ASCC2: variants seen among roughly 807,000 people sequenced by gnomAD.
ASCC2 encodes the protein activating signal cointegrator 1 complex subunit 2, also known as ASC-1 complex subunit P100.
ASCC2 carries 42 observed loss-of-function variants against 93.5 expected under a neutral mutation model. The ratio of observed to expected loss-of-function variants is 0.45; its 90% confidence interval spans 0.35 to 0.58. ASCC2 has a LOEUF of 0.58. Ranked by LOEUF, ASCC2 falls within the 20% of genes least tolerant of loss-of-function variation. The pLI is 0.00. For missense variants in ASCC2, 859 were observed against 977.6 expected (o/e 0.88, Z 1.62); for synonymous variants, 364 against 384.2 (o/e 0.95, Z 0.62).
Position 29,802,121 on chromosome 22 carries a change from C to G in ASCC2, c.1441G>C (p.Asp481His). The G allele has an allele frequency of 6.2e-7, 1 of 1,614,238 alleles. No homozygotes were observed. Among genetic ancestry groups the G allele is most frequent in the Non-Finnish European group, 8.5e-7 (1 of 1,180,038 alleles). The stretch of plus-strand genomic sequence containing the variant: ...GCCAGGATGAAGCCCTCACCAAGGT[C>G]TGGCAGCAGGTCCTTCACTTGGGAG... The part of the protein sequence containing the change: ...LISQVKDLLP[D>H]LGEGFILACL... Residue 481 changes from aspartate to histidine, a missense_variant, in exon 14 of 20, where the codon GAC becomes CAC. Coordinates refer to ENST00000307790, the MANE Select transcript of ASCC2 (RefSeq NM_032204.5).
chr22:29,806,505 G>A lies in ASCC2; in HGVS notation c.1065C>T (p.Ser355=). 2 of 1,614,030 alleles carry A rather than the reference G, an allele frequency of 1.2e-6. No individual in the cohort carries two copies. Among genetic ancestry groups the A allele is most frequent in the Non-Finnish European group, 1.7e-6 (2 of 1,179,956 alleles). ...CTCACCTCTTCTCCTGCAGCAAGGA[G>A]CTGAAGATCTGAAGGAACTCTTCGA... ...GFIEEFLQIF[S]SLLQEKRFLR... The change falls in exon 11 of 20, where the codon AGC becomes AGT. Residue 355 remains serine (S), a synonymous_variant. Coordinates refer to ENST00000307790, the MANE Select transcript of ASCC2 (RefSeq NM_032204.5).
At chr22:29,822,186 A>G in intron 5 of ASCC2, 149 bp downstream of exon 5, 1 of 967,528 alleles carries the variant, frequency 1.0e-6, no homozygotes. Context: ...TTGAGGTGAC[A>G]CTCATATATC....
Position 29,788,899 on chromosome 22 carries a change from G to C in ASCC2, c.*114C>G, listed in dbSNP as rs965914303. 3.8e-6 allele frequency: 5 copies of C among 1,320,194 alleles called. No individual in the cohort carries two copies. In the African/African-American group the frequency reaches 5.9e-5, roughly 16 times the overall value. The allele number at this position is 1,320,194 out of a possible 1,614,324, so 81.8% of individuals were successfully genotyped here. On this transcript the variant is annotated 3_prime_UTR_variant, in exon 20 of 20. Transcript: ENST00000307790. The stretch of plus-strand genomic sequence containing the variant: ...GCCTTCTCAGGGGCTGCAAAGCTGA[G>C]GCTGTTGAGGGGTTGAGTTGAACTT...
intron 1 of ASCC2, 97 bp downstream of exon 1, chr22:29,838,081 G>A (rs2064096704): frequency 2.3e-6 from 1 of 443,816 alleles, no homozygotes; most frequent in Admixed American, 2.5e-5. Flanking sequence ...CCGCAATGGA[G>A]GCCAGAGGAT....
At chr22:29,821,253 C>T (rs2061522619) in intron 5 of ASCC2, among the ~76,000 whole-genome samples, 1 of 152,206 alleles carries the variant, frequency 6.6e-6, no homozygotes, top group South Asian at 2.1e-4. Context: ...TAATGGGATC[C>T]AACGGCTAAT....
At chr22:29,818,529 T>A (rs1480381931) in intron 5 of ASCC2, among the ~76,000 whole-genome samples, 1 of 148,230 alleles carries the variant, frequency 6.7e-6, no homozygotes, top group African/African-American at 2.5e-5. Flanking sequence ...CTGACTCCCC[T>A]CTAGGAGCCA....
At chr22:29,816,393 A>C (rs1451026275) in intron 5 of ASCC2, among the ~76,000 whole-genome samples, 1 of 152,178 alleles carries the variant, frequency 6.6e-6, no homozygotes, top group Non-Finnish European at 1.5e-5. Flanking sequence ...GAGTGATCAC[A>C]CTTGGGTACC....
At position 29,813,534 on chromosome 22, in the gene ASCC2, C is replaced by T. The variant is rs750920483; in HGVS notation, c.729G>A (p.Lys243=). Residue 243 remains lysine, a synonymous_variant, in exon 8 of 20, where the codon AAG becomes AAA. Coordinates refer to ENST00000307790, the MANE Select transcript of ASCC2 (RefSeq NM_032204.5). ...TATCACAAAGGTAGAGAACAATGTC[C>T]TTTAATTCCTGTTGCCAAAAGAATA... ...TPSDMPLLEL[K]DIVLYLCDTC... 6.0e-5 allele frequency: 97 copies of T among 1,607,504 alleles called. 1 individual carries two copies. In the East Asian group the frequency reaches 2.1e-3, roughly 35 times the overall value.
Position 29,788,777 on chromosome 22 carries a change from G to A in ASCC2, c.*236C>T, listed in dbSNP as rs1022007356. On this transcript the variant is annotated 3_prime_UTR_variant, in exon 20 of 20. Coordinates refer to ENST00000307790, the MANE Select transcript of ASCC2 (RefSeq NM_032204.5). ...TTCCCGCTAGCGCAGCTGGGGGAAGGTGCCTGCTTGCCGGCCCCACGGATT... is the reference window on the plus strand; with the variant it reads ...TTCCCGCTAGCGCAGCTGGGGGAAGATGCCTGCTTGCCGGCCCCACGGATT... The A allele has an allele frequency of 5.4e-6, 3 of 551,966 alleles. No individual in the cohort carries two copies. Among genetic ancestry groups the A allele is most frequent in the South Asian group, 4.3e-5 (2 of 46,850 alleles). The allele number at this position is 551,966 out of a possible 1,614,324, so 34.2% of individuals were successfully genotyped here.
At chr22:29,790,903 C>T (rs6006257) in intron 18 of ASCC2, among the ~76,000 whole-genome samples, 1,716 of 152,196 alleles carry the variant, frequency 0.011, 34 homozygotes, top group African/African-American at 0.04. Context: ...CTGAAGACTG[C>T]GGGAGCCACC....
At chr22:29,813,792 T>A (rs937108602) in intron 7 of ASCC2, among the ~76,000 whole-genome samples, 3 of 152,188 alleles carry the variant, frequency 2.0e-5, no homozygotes, top group South Asian at 2.1e-4. Flanking sequence ...ACCGCTAGGG[T>A]TACTTCCAGT....
chr22:29,833,415 T>C lies in ASCC2; in HGVS notation c.-17-1073A>G, dbSNP rs112933207. 977 of 345,928 alleles carry C rather than the reference T, an allele frequency of 2.8e-3. 4 individuals carry two copies. The highest frequency in any genetic ancestry group is 0.017 in the African/African-American group (769 of 45,530). 21.4% of individuals were successfully genotyped at this position (345,928 alleles called of 1,614,324 possible). On this transcript the variant is annotated intron_variant, in intron 1 of 19. Coordinates refer to ENST00000307790, the MANE Select transcript of ASCC2 (RefSeq NM_032204.5). ...AAGTACGTGGAAGAATAGAACGACA[T>C]GAGAAGAAGGGAAGAAGGACATGGA...
At position 29,807,251 on chromosome 22, in the gene ASCC2, A is replaced by C. The variant is rs944230195; in HGVS notation, c.909-347T>G. On this transcript the variant is annotated intron_variant, in intron 9 of 19. Coordinates refer to ENST00000307790, the MANE Select transcript of ASCC2 (RefSeq NM_032204.5). ...ACCCTGTCTCAAAAAAAAAAAAAAAAAAAAAAAAAGGGAAAAGAAAAAGAA... is the reference window on the plus strand; with the variant it reads ...ACCCTGTCTCAAAAAAAAAAAAAAACAAAAAAAAAGGGAAAAGAAAAAGAA... Among the ~76,000 whole-genome samples the C allele has an allele frequency of 1.4e-3, 212 of 151,368 alleles. 1 individual carries two copies. Among genetic ancestry groups the C allele is most frequent in the Non-Finnish European group, 2.3e-3 (159 of 67,786 alleles).
chr22:29,835,507 AG>A (rs1392175651), intron 1 of ASCC2, among the ~76,000 whole-genome samples: 4 of 152,018 alleles, frequency 2.6e-5, no homozygotes, highest in African/African-American at 9.7e-5. Context: ...GTAGGGAGAG[AG>A]CGCTACAGTC....
intron 7 of ASCC2, among the ~76,000 whole-genome samples, chr22:29,814,117 C>T (rs551203584): frequency 1.7e-4 from 26 of 152,318 alleles, no homozygotes; most frequent in African/African-American, 5.5e-4. Context: ...ATGAGATCAC[C>T]ATCTCCAGGA....
chr22:29,814,787 GCT>G lies in ASCC2; in HGVS notation c.610-22_610-21del. 1 of 1,595,522 alleles carries G rather than the reference GCT, an allele frequency of 6.3e-7. No homozygotes were observed. Among genetic ancestry groups the G allele is most frequent in the Non-Finnish European group, 8.6e-7 (1 of 1,165,466 alleles). ...GAAGACCTGTGAAAGACAAGAACGG[GCT>G]CTCTCACATCATACTGAACCAGGGC... On this transcript the variant is annotated intron_variant, in intron 6 of 19. Transcript: ENST00000307790.
At position 29,806,819 on chromosome 22, in the gene ASCC2, G is replaced by A. The variant is rs1335748213; in HGVS notation, c.994C>T (p.Leu332Phe). 3 of 1,613,284 alleles carry A rather than the reference G, an allele frequency of 1.9e-6. No individual in the cohort carries two copies. Among genetic ancestry groups the A allele is most frequent in the African/African-American group, 2.7e-5 (2 of 74,912 alleles). ...TACCTGCTTTCTAGGATGGGAAGGA[G>A]GCAGATCTGGTTCAGGATGATGTGG... ...IFHIILNQIC[L>F]LPILESSCDN... Residue 332 changes from leucine (L) to phenylalanine (F), a missense_variant, in exon 10 of 20, where the codon CTC (leucine) becomes TTC (phenylalanine). Coordinates refer to ENST00000307790, the MANE Select transcript of ASCC2 (RefSeq NM_032204.5).
At chr22:29,824,824 G>A (rs908820406) in intron 4 of ASCC2, among the ~76,000 whole-genome samples, 8 of 152,126 alleles carry the variant, frequency 5.3e-5, no homozygotes, top group Admixed American at 3.9e-4. Context: ...TCTCTCTGAC[G>A]CACAAGTCAA....
chr22:29,804,945 T>G (rs2059509815), intron 12 of ASCC2, 115 bp from the exon 13 acceptor site: 2 of 1,208,036 alleles, frequency 1.7e-6, no homozygotes, highest in Non-Finnish European at 2.4e-6. Flanking sequence ...TTCTGGGCTA[T>G]ATCTAAGTGG....
Sources: allele counts gnomAD v4.1 joint callset (sites outside exome capture counted in the v4.1 genomes callset), GRCh38; gene constraint gnomAD v4.1.1; transcripts MANE v1.5; gene names NCBI Gene and HGNC (gene_info 2026-07-23, HGNC 2026-07-21).